Variants in PAG1 observed in about 807,000 individuals in gnomAD.
The protein encoded by PAG1 is phosphoprotein associated with glycosphingolipid-enriched microdomains 1.
In PAG1, 23 loss-of-function variants were observed where a neutral mutation model predicts 31.7. The ratio of observed to expected loss-of-function variants is 0.73; its 90% CI spans 0.52 to 1.03. The LOEUF is 1.03. Ranked by LOEUF, PAG1 falls within the 50% of genes least tolerant of loss-of-function variation. The probability of loss-of-function intolerance (pLI) is 0.00; values close to 1 mark genes in which losing one functional copy is unlikely to be tolerated. For missense variants in PAG1, 473 were observed against 540.7 expected, an observed-to-expected ratio of 0.87 and a Z score of 1.24; for synonymous variants, 214 against 210.3, an observed-to-expected ratio of 1.02 and a Z score of -0.15.
At chr8:80,984,011 C>A (rs977161371) in intron 7 of PAG1, among the ~76,000 whole-genome samples, 5 of 152,190 alleles carry the variant, frequency 3.3e-5, no homozygotes, top group Non-Finnish European at 7.3e-5. Context: ...GACTGGCTAA[C>A]CTGCTACTTG....
At chr8:81,026,913 G>A (rs1266093250) in intron 3 of PAG1, among the ~76,000 whole-genome samples, 1 of 152,104 alleles carries the variant, frequency 6.6e-6, no homozygotes, top group Non-Finnish European at 1.5e-5. Context: ...CCAAAAAAAT[G>A]TACCAAATGG....
At chr8:81,056,379 C>T (rs555071658) in intron 2 of PAG1, among the ~76,000 whole-genome samples, 3 of 152,164 alleles carry the variant, frequency 2.0e-5, no homozygotes, top group Non-Finnish European at 2.9e-5. Flanking sequence ...GAGATATAGA[C>T]CAATGGAACA....
In PAG1 at chr8:80,976,188, C is replaced by CG. The variant is rs900828468; in HGVS notation, c.*355dup. On this transcript the variant is annotated 3_prime_UTR_variant, in exon 9 of 9. Transcript: ENST00000220597. Reference sequence around the variant, plus strand: ...TTTTCTGAATGGCAGTACTTTAGGCCGGGGGCATTGTGGTCCTTGGTGAGT... The same window carrying CG: ...TTTTCTGAATGGCAGTACTTTAGGCCGGGGGGCATTGTGGTCCTTGGTGAGT... 5.3e-6 allele frequency: 1 copy of CG among 189,800 alleles called. No individual in the cohort carries two copies. The highest frequency in any genetic ancestry group is 1.1e-5 in the Non-Finnish European group (1 of 93,718). The allele number at this position is 189,800 out of a possible 1,614,324, so 11.8% of individuals were successfully genotyped here. A position where few individuals can be genotyped will look rare whatever the true frequency, so the allele number is the denominator to read the frequency against.
chr8:81,094,378 T>C (rs1469091729), intron 1 of PAG1, among the ~76,000 whole-genome samples: 1 of 152,150 alleles, frequency 6.6e-6, no homozygotes, highest in Non-Finnish European at 1.5e-5. Context: ...TCAGTGTGCT[T>C]TTCACTCAGC....
intron 2 of PAG1, among the ~76,000 whole-genome samples, chr8:81,062,839 G>T (rs34050117): frequency 0.33 from 49,391 of 151,972 alleles, 9,888 homozygotes; most frequent in East Asian, 0.68. Flanking sequence ...TCTTTTATCA[G>T]GAATCTTCAG....
chr8:80,969,598 CCTT>C lies in PAG1; in HGVS notation c.*6943_*6945del, dbSNP rs1232754611. On this transcript the variant is annotated 3_prime_UTR_variant, in exon 9 of 9. Transcript: ENST00000220597. ...CTGTAGGCTCTAGGGAGCAACTGGTCCTTCTTTTAGCTTTAACTGTGTCCTATT... is the reference window on the plus strand; with the variant it reads ...CTGTAGGCTCTAGGGAGCAACTGGTCCTTTTAGCTTTAACTGTGTCCTATT... 6.6e-6 allele frequency: 1 copy of C among 152,178 alleles called. No individual in the cohort carries two copies. The highest frequency in any genetic ancestry group is 1.5e-5 in the Non-Finnish European group (1 of 68,018). The allele number at this position is 152,178 out of a possible 1,614,324, so 9.4% of individuals were successfully genotyped here. A position where few individuals can be genotyped will look rare whatever the true frequency, so the allele number is the denominator to read the frequency against.
rs553030177 is a variant in PAG1, at chr8:81,061,865, A to C, written c.-175+8247T>G. Among the ~76,000 whole-genome samples, 258 of 152,284 alleles carry C rather than the reference A, an allele frequency of 1.7e-3. 2 individuals are homozygous for C. The highest frequency in any genetic ancestry group is 3.4e-3 in the Middle Eastern group (1 of 294). On this transcript the variant is annotated intron_variant, in intron 2 of 8. Coordinates refer to ENST00000220597, the MANE Select transcript of PAG1 (RefSeq NM_018440.4). ...GTAAGCGGAGATCTGAATGACAAGAAGGAGCCATCCTCTATGCTTTCAACC... is the reference window on the plus strand; with the variant it reads ...GTAAGCGGAGATCTGAATGACAAGACGGAGCCATCCTCTATGCTTTCAACC...
At position 80,969,755 on chromosome 8, in the gene PAG1, T is replaced by C. The variant is rs1181015623; in HGVS notation, c.*6789A>G. 2 of 152,274 alleles carry C rather than the reference T, an allele frequency of 1.3e-5. No individual in the cohort carries two copies. Among genetic ancestry groups the C allele is most frequent in the African/African-American group, 4.8e-5 (2 of 41,472 alleles). 9.4% of individuals were successfully genotyped at this position (152,274 alleles called of 1,614,324 possible). On this transcript the variant is annotated 3_prime_UTR_variant, in exon 9 of 9. Coordinates refer to ENST00000220597, the MANE Select transcript of PAG1 (RefSeq NM_018440.4). ...TAAAATGTCCATTCAAAGAATTAAC[T>C]GTGATGACTTACAGCAAAGTTTTAC...
intron 2 of PAG1, among the ~76,000 whole-genome samples, chr8:81,064,894 T>C (rs896703085): frequency 1.3e-5 from 2 of 152,246 alleles, no homozygotes; most frequent in Non-Finnish European, 1.5e-5. Flanking sequence ...GAACAGGTAC[T>C]GTAGTGAATG....
intron 1 of PAG1, among the ~76,000 whole-genome samples, chr8:81,080,642 G>A (rs1809251534): frequency 6.6e-6 from 1 of 152,162 alleles, no homozygotes; most frequent in African/African-American, 2.4e-5. Context: ...TACACCCAGT[G>A]TTGGCAGATT....
intron 2 of PAG1, among the ~76,000 whole-genome samples, chr8:81,035,800 A>G (rs1379702259): frequency 6.6e-6 from 1 of 152,002 alleles, no homozygotes; most frequent in Non-Finnish European, 1.5e-5. Context: ...ATTTCTGTCC[A>G]CCCACATTAT....
At chr8:81,076,656 AG>A (rs1809183198) in intron 1 of PAG1, among the ~76,000 whole-genome samples, 1 of 152,244 alleles carries the variant, frequency 6.6e-6, no homozygotes, top group Non-Finnish European at 1.5e-5. Flanking sequence ...TAAAAATTAT[AG>A]GGCAACTTCT....
chr8:81,111,863 G>C lies in PAG1; in HGVS notation c.-506C>G, dbSNP rs1384154067. 3 of 152,294 alleles carry C rather than the reference G, an allele frequency of 2.0e-5. No individual in the cohort carries two copies. The highest frequency in any genetic ancestry group is 7.2e-5 in the African/African-American group (3 of 41,462). The allele number at this position is 152,294 out of a possible 1,614,324, so 9.4% of individuals were successfully genotyped here. ...CGCTGCAGCTGCCTCCAGCCCCGGA[G>C]CGCGGCGCTCCGAGCCCCTGGTGGG... On this transcript the variant is annotated 5_prime_UTR_variant, in exon 1 of 9. Transcript: ENST00000220597.
intron 3 of PAG1, among the ~76,000 whole-genome samples, chr8:81,009,578 C>T (rs964350685): frequency 9.2e-5 from 14 of 152,130 alleles, no homozygotes; most frequent in Admixed American, 9.2e-4. Flanking sequence ...CTATGGCGAC[C>T]TATTAAATTA....
chr8:81,001,769 T>C (rs916597501), intron 3 of PAG1, among the ~76,000 whole-genome samples: 27 of 152,104 alleles, frequency 1.8e-4, no homozygotes, highest in African/African-American at 6.0e-4. Context: ...TTCAGTGCCT[T>C]ATTTAGGGTC....
chr8:81,023,516 T>C (rs964459534), intron 3 of PAG1, among the ~76,000 whole-genome samples: 5 of 151,922 alleles, frequency 3.3e-5, no homozygotes, highest in Admixed American at 6.6e-5. Flanking sequence ...CTGCTGTTTG[T>C]ATGCATTTCT....
At position 80,984,794 on chromosome 8, in the gene PAG1, C is replaced by T. The variant is rs998724033; in HGVS notation, c.858G>A (p.Thr286=). The part of the protein sequence containing the change: ...GGEAEESATD[T]TSETNKRFSS... ...TGCCCACCTTGTTAGTTTCACTGGTCGTGTCTGTGGCACTCTCTTCCGCCT... is the reference window on the plus strand; with the variant it reads ...TGCCCACCTTGTTAGTTTCACTGGTTGTGTCTGTGGCACTCTCTTCCGCCT... The change falls in exon 7 of 9, where the codon ACG becomes ACA. Residue 286 remains threonine, a synonymous_variant. Coordinates refer to ENST00000220597, the MANE Select transcript of PAG1 (RefSeq NM_018440.4). 4 of 1,613,740 alleles carry T rather than the reference C, an allele frequency of 2.5e-6. No homozygotes were observed. Among genetic ancestry groups the T allele is most frequent in the Non-Finnish European group, 3.4e-6 (4 of 1,179,784 alleles).
chr8:81,042,066 T>C (rs1357439614), intron 2 of PAG1, among the ~76,000 whole-genome samples: 2 of 152,244 alleles, frequency 1.3e-5, no homozygotes, highest in African/African-American at 2.4e-5. Flanking sequence ...TATACTTTGC[T>C]AACTTCTGTG....
At chr8:81,071,626 C>G (rs1809094365) in intron 1 of PAG1, among the ~76,000 whole-genome samples, 2 of 152,200 alleles carry the variant, frequency 1.3e-5, no homozygotes, top group East Asian at 1.9e-4. Flanking sequence ...CTAGTGGTGT[C>G]TAAAACACCA....
Sources: allele counts gnomAD v4.1 joint callset (sites outside exome capture counted in the v4.1 genomes callset), GRCh38; gene constraint gnomAD v4.1.1; transcripts MANE v1.5; gene names NCBI Gene and HGNC (gene_info 2026-07-23, HGNC 2026-07-21).